The following ANGPT2 variants were observed in gnomAD, a reference collection of about 807,000 sequenced individuals.
ANGPT2 encodes angiopoietin-2.
In ANGPT2, 28 loss-of-function variants were observed where a neutral mutation model predicts 62.9. The observed-to-expected ratio is 0.44, with a 90% CI of 0.33 to 0.61. The LOEUF is 0.61. Ranked by LOEUF, ANGPT2 falls within the 20% of genes least tolerant of loss-of-function variation. The pLI is 0.03. For missense variants in ANGPT2, 727 were observed against 594.9 expected (o/e 1.22, Z -2.31); for synonymous variants, 284 against 207.8 (o/e 1.37, Z -3.15).
chr8:6,512,393 A>G (rs530675652), intron 7 of ANGPT2, among the ~76,000 whole-genome samples: 1 of 152,284 alleles, frequency 6.6e-6, no homozygotes, highest in African/African-American at 2.4e-5. Flanking sequence ...TGACTTGGGC[A>G]TTAATGAGAT....
chr8:6,547,045 G>A (rs1822720640), intron 1 of ANGPT2, among the ~76,000 whole-genome samples: 1 of 152,088 alleles, frequency 6.6e-6, no homozygotes, highest in Non-Finnish European at 1.5e-5. Context: ...ACATGCACGT[G>A]TTCCGTGTGT....
intron 1 of ANGPT2, among the ~76,000 whole-genome samples, chr8:6,555,709 C>T (rs772370355): frequency 3.3e-5 from 5 of 152,152 alleles, no homozygotes; most frequent in Admixed American, 2.6e-4. Context: ...GCGACCCACC[C>T]GCTTCGGCCT....
intron 2 of ANGPT2, among the ~76,000 whole-genome samples, chr8:6,531,974 A>G (rs17077416): frequency 0.045 from 6,861 of 152,224 alleles, 560 homozygotes; most frequent in African/African-American, 0.16. Context: ...CATTTCTCAA[A>G]TGTTCAAAGA....
Position 6,499,676 on chromosome 8 carries a change from T to C in ANGPT2, c.*3425A>G, listed in dbSNP as rs534495273. ...TTTTTCTCAATCAACTTTTTATTAA[T>C]ATTCATAACATTTATGCAACATGAA... On this transcript the variant is annotated 3_prime_UTR_variant, in exon 9 of 9. Transcript: ENST00000629816. 182 of 585,134 alleles carry C rather than the reference T, an allele frequency of 3.1e-4. 1 individual carries two copies. The South Asian group carries it at 3.2e-3, about 10-fold the overall frequency. The allele number at this position is 585,134 out of a possible 1,614,324, so 36.2% of individuals were successfully genotyped here.
intron 1 of ANGPT2, among the ~76,000 whole-genome samples, chr8:6,557,398 A>G (rs543540246): frequency 6.6e-6 from 1 of 152,288 alleles, no homozygotes; most frequent in South Asian, 2.1e-4. Context: ...AAGGTGACTC[A>G]GAGCCACCCT....
At chr8:6,510,087 A>G (rs1020096418) in intron 7 of ANGPT2, among the ~76,000 whole-genome samples, 4 of 152,244 alleles carry the variant, frequency 2.6e-5, no homozygotes, top group African/African-American at 4.8e-5. Context: ...TACGGCTTAC[A>G]TCGGTCATCT....
chr8:6,510,985 C>T (rs908340884), intron 7 of ANGPT2, among the ~76,000 whole-genome samples: 18 of 152,210 alleles, frequency 1.2e-4, no homozygotes, highest in Admixed American at 7.9e-4. Context: ...GATTTTGAAA[C>T]ACTGTACTTT....
At chr8:6,506,606 C>T (rs1389613960) in intron 8 of ANGPT2, among the ~76,000 whole-genome samples, 1 of 152,106 alleles carries the variant, frequency 6.6e-6, no homozygotes, top group African/African-American at 2.4e-5. Flanking sequence ...CTCCACCTGA[C>T]CCTTTCCCTG....
chr8:6,548,480 A>G (rs576536963), intron 1 of ANGPT2, among the ~76,000 whole-genome samples: 1 of 152,290 alleles, frequency 6.6e-6, no homozygotes, highest in South Asian at 2.1e-4. Context: ...AGCTCGAGGA[A>G]AATGCTGGGT....
At chr8:6,515,396 T>G (rs947531550) in intron 5 of ANGPT2, among the ~76,000 whole-genome samples, 4 of 152,200 alleles carry the variant, frequency 2.6e-5, no homozygotes, top group Non-Finnish European at 4.4e-5. Context: ...GCAAGGTGTG[T>G]GACCTGGGCT....
chr8:6,545,622 C>T (rs925890587), intron 1 of ANGPT2, among the ~76,000 whole-genome samples: 4 of 152,102 alleles, frequency 2.6e-5, no homozygotes, highest in Non-Finnish European at 5.9e-5. Flanking sequence ...CGATTCTTTC[C>T]GGATCAAGCA....
At chr8:6,522,797 A>T (rs1403324329) in intron 3 of ANGPT2, among the ~76,000 whole-genome samples, 1 of 151,844 alleles carries the variant, frequency 6.6e-6, no homozygotes, top group Admixed American at 6.6e-5. Context: ...AAAAGAAAAG[A>T]AATGTAGGAA....
rs1036670599 is a variant in ANGPT2 at position 6,502,994 on chromosome 8, C to T, written c.*107G>A. On this transcript the variant is annotated 3_prime_UTR_variant, in exon 9 of 9. Transcript: ENST00000629816. ...GTGGGTCCCGTCAGCACCGAGCACA[C>T]GCCCTCTGTGGTGGAAGAGGACACA... 8.1e-5 allele frequency: 108 copies of T among 1,333,448 alleles called. 1 individual carries two copies. Among genetic ancestry groups the T allele is most frequent in the Non-Finnish European group, 9.5e-5 (91 of 955,126 alleles). 82.6% of individuals were successfully genotyped at this position (1,333,448 alleles called of 1,614,324 possible). A position where few individuals can be genotyped will look rare whatever the true frequency, so the allele number is the denominator to read the frequency against.
intron 1 of ANGPT2, among the ~76,000 whole-genome samples, chr8:6,540,121 C>G (rs186351459): frequency 1.3e-5 from 2 of 152,174 alleles, no homozygotes; most frequent in Non-Finnish European, 2.9e-5. Context: ...AATGTCTGTG[C>G]TCTGGCAAAT....
chr8:6,514,973 T>C (rs550976738), intron 5 of ANGPT2, among the ~76,000 whole-genome samples, 195 bp from the exon 6 acceptor site: 2 of 152,290 alleles, frequency 1.3e-5, no homozygotes, highest in East Asian at 3.9e-4. Flanking sequence ...TGGATTAAAA[T>C]GATGGTGAAA....
Position 6,559,522 on chromosome 8 carries a change from C to T in ANGPT2, c.288+3125G>A, listed in dbSNP as rs76364735. ...GTTTAAAAAACAAACAAACAAAAAA[C>T]GATGGCAGAGGAAATGTTTGCCTCC... On this transcript the variant is annotated intron_variant, in intron 1 of 8. Transcript: ENST00000629816. 5.7e-3 allele frequency among the ~76,000 whole-genome samples: 873 copies of T among 151,846 alleles called. 14 individuals are homozygous for T. Among genetic ancestry groups the T allele is most frequent in the East Asian group, 0.053 (273 of 5,164 alleles).
intron 3 of ANGPT2, among the ~76,000 whole-genome samples, chr8:6,525,557 G>T (rs1348424177): frequency 6.6e-6 from 1 of 152,160 alleles, no homozygotes; most frequent in Non-Finnish European, 1.5e-5. Flanking sequence ...GAAAGCAATT[G>T]CACTTTTGGG....
chr8:6,555,783 T>C (rs1824502443), intron 1 of ANGPT2, among the ~76,000 whole-genome samples: 2 of 152,228 alleles, frequency 1.3e-5, no homozygotes. Flanking sequence ...GTTTTTAGTC[T>C]TCTGAACGAT....
At chr8:6,551,820 A>G (rs959787661) in intron 1 of ANGPT2, among the ~76,000 whole-genome samples, 3 of 152,216 alleles carry the variant, frequency 2.0e-5, no homozygotes, top group South Asian at 2.1e-4. Context: ...TTTCAGCAAA[A>G]TACAATAACG....
Sources: gnomAD v4.1 joint callset for allele counts (sites outside exome capture counted in the v4.1 genomes callset) on GRCh38, gnomAD v4.1.1 for gene constraint, MANE v1.5 for transcripts, NCBI Gene and HGNC (gene_info 2026-07-23, HGNC 2026-07-21) for gene names.